AP3S2: variants seen among roughly 807,000 people sequenced by gnomAD.
AP3S2 encodes adaptor related protein complex 3 subunit sigma 2, also known as AP-3 complex subunit sigma-2.
In AP3S2, 22 loss-of-function variants were observed where a neutral mutation model predicts 23.4. The ratio of observed to expected loss-of-function variants is 0.94; its 90% CI spans 0.67 to 1.34. The LOEUF is 1.34. AP3S2 is among the 40% of genes most tolerant of loss of function. AP3S2 has a pLI of 0.00. For synonymous variants in AP3S2, 86 were observed against 87.1 expected, an observed-to-expected ratio of 0.99 and a Z score of 0.07; for missense variants, 241 against 236.9, an observed-to-expected ratio of 1.02 and a Z score of -0.11.
At chr15:89,840,768 T>C (rs537615137) in intron 4 of AP3S2, among the ~76,000 whole-genome samples, 94 of 152,294 alleles carry the variant, frequency 6.2e-4, no homozygotes, top group African/African-American at 2.1e-3. Context: ...ACATTTTATA[T>C]ATGAGGAAAA....
chr15:89,883,085 C>T (rs1896610313), intron 3 of AP3S2, among the ~76,000 whole-genome samples: 1 of 152,130 alleles, frequency 6.6e-6, no homozygotes. Flanking sequence ...TCAAGTATTC[C>T]ATACCAAGTT....
In AP3S2 at chr15:89,856,610, G is replaced by A. The variant is rs1005129753; in HGVS notation, c.345+14865C>T. Among the ~76,000 whole-genome samples, 6 of 151,450 alleles carry A rather than the reference G, an allele frequency of 4.0e-5. No individual in the cohort carries two copies. In the South Asian group the frequency reaches 6.2e-4, roughly 16 times the overall value. ...CCAGCTACTCGGAAGGCTGAGGCAG[G>A]AGAATTGCTTGAATCCAGGAGGCAG... On this transcript the variant is annotated intron_variant, in intron 4 of 5. Coordinates refer to ENST00000336418, the MANE Select transcript of AP3S2 (RefSeq NM_005829.5).
chr15:89,863,894 C>T (rs1896061073), intron 4 of AP3S2, among the ~76,000 whole-genome samples: 1 of 152,136 alleles, frequency 6.6e-6, no homozygotes, highest in Admixed American at 6.5e-5. Context: ...TTTCTATTAT[C>T]AACAGAAGAA....
intron 4 of AP3S2, among the ~76,000 whole-genome samples, chr15:89,839,088 C>T (rs1006809072): frequency 6.6e-6 from 1 of 152,158 alleles, no homozygotes; most frequent in African/African-American, 2.4e-5. Context: ...TCAAAAATGT[C>T]TCCAGAATTG....
intron 4 of AP3S2, among the ~76,000 whole-genome samples, chr15:89,849,345 A>C (rs1002936113): frequency 6.6e-6 from 1 of 152,094 alleles, no homozygotes; most frequent in African/African-American, 2.4e-5. Flanking sequence ...TTTGCAGCTC[A>C]TTGTTAATAT....
intron 4 of AP3S2, among the ~76,000 whole-genome samples, chr15:89,840,395 A>T (rs1305536688): frequency 6.6e-6 from 1 of 152,134 alleles, no homozygotes; most frequent in Non-Finnish European, 1.5e-5. Flanking sequence ...ACATTCATCT[A>T]AGGTAGGTAA....
At position 89,838,027 on chromosome 15, in the gene AP3S2, A is replaced by G. The variant is rs559702303; in HGVS notation, c.346-305T>C. 5.0e-5 allele frequency: 15 copies of G among 302,520 alleles called. No individual in the cohort carries two copies. In the East Asian group the frequency reaches 1.2e-3, roughly 25 times the overall value. 18.7% of individuals were successfully genotyped at this position (302,520 alleles called of 1,614,324 possible). Reference sequence around the variant, plus strand: ...CTAGCTGGGTGGCCCTGGGCAAATGACCTTTAAAGTGCTTCAGCCTCCTTC... The same window carrying G: ...CTAGCTGGGTGGCCCTGGGCAAATGGCCTTTAAAGTGCTTCAGCCTCCTTC... On this transcript the variant is annotated intron_variant, in intron 4 of 5. Transcript: ENST00000336418.
At chr15:89,837,887 TC>T in intron 4 of AP3S2, 165 bp from the exon 5 acceptor site, 1 of 706,658 alleles carries the variant, frequency 1.4e-6, no homozygotes, top group Middle Eastern at 4.2e-4. Context: ...GAGGGGTCTC[TC>T]CCAGGTCTTG....
In AP3S2 at chr15:89,888,581, G is replaced by C; in HGVS notation, c.213C>G (p.Leu71=). 6.2e-7 allele frequency: 1 copy of C among 1,614,224 alleles called. No individual in the cohort carries two copies. Among genetic ancestry groups the C allele is most frequent in the Non-Finnish European group, 8.5e-7 (1 of 1,180,036 alleles). Residue 71 remains leucine, a synonymous_variant, in exon 3 of 6, where the codon CTC becomes CTG. Coordinates refer to ENST00000336418, the MANE Select transcript of AP3S2 (RefSeq NM_005829.5). ...YKLIYRHYAT[L]YFVFCVDSSE... is the part of the protein sequence containing the mutation. ...AGGAATCCACACAAAATACAAAGTA[G>C]AGGGTAGCATAGTGCCGGTAGATCA... is the stretch of plus-strand genomic sequence containing the variant.
intron 4 of AP3S2, among the ~76,000 whole-genome samples, chr15:89,839,223 G>A (rs978302768): frequency 6.6e-6 from 1 of 152,168 alleles, no homozygotes; most frequent in African/African-American, 2.4e-5. Context: ...TGCATATCTG[G>A]GCACTGTGCA....
chr15:89,842,414 A>C (rs1895351493), intron 4 of AP3S2, among the ~76,000 whole-genome samples: 1 of 152,256 alleles, frequency 6.6e-6, no homozygotes, highest in Non-Finnish European at 1.5e-5. Context: ...ATCCCAGGGG[A>C]AACAAATTCA....
At chr15:89,854,528 T>G (rs1398687883) in intron 4 of AP3S2, among the ~76,000 whole-genome samples, 1 of 33,100 alleles carries the variant, frequency 3.0e-5, no homozygotes, top group Non-Finnish European at 6.0e-5. Flanking sequence ...GTGGGGGGGG[T>G]CAGCCCCCCG....
At chr15:89,870,824 T>C (rs948147351) in intron 4 of AP3S2, among the ~76,000 whole-genome samples, 1 of 152,150 alleles carries the variant, frequency 6.6e-6, no homozygotes, top group Non-Finnish European at 1.5e-5. Context: ...GGACAGCATG[T>C]GGTAAGTTGA....
At chr15:89,864,821 C>T (rs1328110275) in intron 4 of AP3S2, among the ~76,000 whole-genome samples, 1 of 152,170 alleles carries the variant, frequency 6.6e-6, no homozygotes, top group East Asian at 1.9e-4. Context: ...GGATTATAGG[C>T]ATTAGCCACT....
At chr15:89,867,907 T>C (rs1596207615) in intron 4 of AP3S2, among the ~76,000 whole-genome samples, 1 of 125,916 alleles carries the variant, frequency 7.9e-6, no homozygotes, top group African/African-American at 2.7e-5. Flanking sequence ...AGCCACCCCG[T>C]CCGGGAGGGA....
intron 4 of AP3S2, among the ~76,000 whole-genome samples, chr15:89,838,484 G>A (rs745924960): frequency 1.3e-5 from 2 of 152,188 alleles, no homozygotes; most frequent in African/African-American, 2.4e-5. Context: ...GTGATGGGAC[G>A]GAGGTGACTC....
intron 4 of AP3S2, among the ~76,000 whole-genome samples, chr15:89,866,579 G>A (rs546457629): frequency 2.3e-4 from 35 of 151,120 alleles, no homozygotes; most frequent in African/African-American, 7.3e-4. Context: ...TCTGCCTCCT[G>A]GGTTCAAGTG....
chr15:89,882,259 T>C (rs566150059), intron 3 of AP3S2, among the ~76,000 whole-genome samples: 11 of 152,244 alleles, frequency 7.2e-5, no homozygotes, highest in African/African-American at 2.4e-4. Flanking sequence ...TTATTCATAT[T>C]AATTAAAAAA....
chr15:89,879,227 A>G (rs1374248193), intron 3 of AP3S2, among the ~76,000 whole-genome samples: 2 of 152,246 alleles, frequency 1.3e-5, no homozygotes, highest in African/African-American at 4.8e-5. Context: ...GGGTAAACAG[A>G]TACATTCTTA....
Sources: allele counts gnomAD v4.1 joint callset (sites outside exome capture counted in the v4.1 genomes callset), GRCh38; gene constraint gnomAD v4.1.1; transcripts MANE v1.5; gene names NCBI Gene and HGNC (gene_info 2026-07-23, HGNC 2026-07-21).